RCAN2: variants seen among roughly 807,000 people sequenced by gnomAD.
The protein encoded by RCAN2 is regulator of calcineurin 2.
RCAN2 carries 9 observed loss-of-function variants against 23.6 expected under a neutral mutation model. That is an observed-to-expected ratio of 0.38 (90% CI 0.23 to 0.67). RCAN2 has a LOEUF of 0.67. RCAN2 is among the 30% of genes least tolerant of loss of function. The pLI, the probability that RCAN2 is intolerant of heterozygous loss-of-function variation, is 0.51. For missense variants in RCAN2, 273 were observed against 302.3 expected, an observed-to-expected ratio of 0.90 and a Z score of 0.72; for synonymous variants, 109 against 115.7, an observed-to-expected ratio of 0.94 and a Z score of 0.37.
At chr6:46,477,026 T>A (rs1262307130) in intron 1 of RCAN2, among the ~76,000 whole-genome samples, 1 of 152,170 alleles carries the variant, frequency 6.6e-6, no homozygotes, top group Non-Finnish European at 1.5e-5. Flanking sequence ...TTGGATTGCT[T>A]CCAGGTTCCT....
intron 2 of RCAN2, among the ~76,000 whole-genome samples, chr6:46,364,183 C>T (rs548847125): frequency 6.6e-6 from 1 of 152,218 alleles, no homozygotes; most frequent in East Asian, 1.9e-4. Context: ...AGAGTTGTCC[C>T]ATAAATCTCT....
At chr6:46,375,434 T>C (rs1207032622) in intron 2 of RCAN2, among the ~76,000 whole-genome samples, 1 of 152,200 alleles carries the variant, frequency 6.6e-6, no homozygotes, top group East Asian at 1.9e-4. Context: ...GTATTCCCCA[T>C]GATCACATCT....
At chr6:46,435,172 T>C (rs1245127187) in intron 2 of RCAN2, among the ~76,000 whole-genome samples, 1 of 152,250 alleles carries the variant, frequency 6.6e-6, no homozygotes, top group East Asian at 1.9e-4. Context: ...CCATGTATGC[T>C]ATTGGCTATC....
At chr6:46,379,641 T>C (rs1765569137) in intron 2 of RCAN2, among the ~76,000 whole-genome samples, 1 of 152,178 alleles carries the variant, frequency 6.6e-6, no homozygotes, top group Admixed American at 6.5e-5. Flanking sequence ...TGAACAATCA[T>C]CTCATGATTT....
At chr6:46,276,571 C>T (rs998801143) in intron 2 of RCAN2, among the ~76,000 whole-genome samples, 2 of 152,178 alleles carry the variant, frequency 1.3e-5, no homozygotes, top group African/African-American at 2.4e-5. Flanking sequence ...ATCAAACTGT[C>T]CCTGTTTCAG....
intron 4 of RCAN2, among the ~76,000 whole-genome samples, chr6:46,231,840 G>C (rs890611606): frequency 6.6e-6 from 1 of 152,208 alleles, no homozygotes; most frequent in Admixed American, 6.5e-5. Context: ...CTGCTGTGTA[G>C]AGTAAAGGCT....
chr6:46,450,604 C>T (rs934731370), intron 2 of RCAN2, among the ~76,000 whole-genome samples: 1 of 151,914 alleles, frequency 6.6e-6, no homozygotes, highest in African/African-American at 2.4e-5. Context: ...TACCAGTCAG[C>T]CTTAAACAAG....
At chr6:46,250,585 G>A (rs1766675531) in intron 2 of RCAN2, among the ~76,000 whole-genome samples, 2 of 152,132 alleles carry the variant, frequency 1.3e-5, no homozygotes, top group Admixed American at 6.5e-5. Context: ...CCTGAGATCT[G>A]AAAAGATAAG....
chr6:46,223,328 G>T lies in RCAN2; in HGVS notation c.572-27C>A, dbSNP rs200301470. The stretch of plus-strand genomic sequence containing the variant: ...TGAAAAGCAAGAAAAATGGAAGTGA[G>T]AAAGAGGGGGGGATTTCAAAAGAGA... On this transcript the variant is annotated intron_variant, in intron 4 of 4. Transcript: ENST00000371374. 6.2e-6 allele frequency: 10 copies of T among 1,606,064 alleles called. No homozygotes were observed. The East Asian group carries it at 2.2e-4, about 36-fold the overall frequency.
intron 1 of RCAN2, chr6:46,468,880 A>C (rs1195822659): frequency 1.0e-6 from 1 of 983,306 alleles, no homozygotes; most frequent in African/African-American, 1.7e-5. Flanking sequence ...TAAATCCGGA[A>C]GGCTGAGTGT....
At chr6:46,396,745 T>G (rs1766099906) in intron 2 of RCAN2, among the ~76,000 whole-genome samples, 1 of 152,208 alleles carries the variant, frequency 6.6e-6, no homozygotes, top group Admixed American at 6.5e-5. Context: ...GTTTTTTTGT[T>G]TGTTTTAATG....
At chr6:46,284,337 A>G (rs1762302056) in intron 2 of RCAN2, among the ~76,000 whole-genome samples, 1 of 152,130 alleles carries the variant, frequency 6.6e-6, no homozygotes, top group Non-Finnish European at 1.5e-5. Flanking sequence ...TGGGGGTGTA[A>G]TTGCAAAGCT....
chr6:46,488,359 A>G (rs1232508880), intron 1 of RCAN2, among the ~76,000 whole-genome samples: 2 of 152,230 alleles, frequency 1.3e-5, no homozygotes, highest in Non-Finnish European at 1.5e-5. Flanking sequence ...TAAACCAGGT[A>G]CAGTTCTAAC....
At chr6:46,417,383 A>G (rs936678063) in intron 2 of RCAN2, among the ~76,000 whole-genome samples, 1 of 152,264 alleles carries the variant, frequency 6.6e-6, no homozygotes, top group African/African-American at 2.4e-5. Flanking sequence ...TTTAAGAGCT[A>G]TAATTTGTTT....
At chr6:46,304,111 T>C (rs933560764) in intron 2 of RCAN2, among the ~76,000 whole-genome samples, 4 of 152,144 alleles carry the variant, frequency 2.6e-5, no homozygotes, top group Non-Finnish European at 5.9e-5. Context: ...CCCTTGGCAT[T>C]GACTGTCTTT....
intron 1 of RCAN2, among the ~76,000 whole-genome samples, chr6:46,460,622 A>G (rs755191841): frequency 1.3e-5 from 2 of 152,148 alleles, no homozygotes; most frequent in African/African-American, 4.8e-5. Context: ...TTGTCCTCCA[A>G]TGCAGCTACT....
chr6:46,329,510 A>T (rs1005832214), intron 2 of RCAN2, among the ~76,000 whole-genome samples: 2 of 152,070 alleles, frequency 1.3e-5, no homozygotes, highest in African/African-American at 2.4e-5. Context: ...GACACTTAGG[A>T]GTTACTCTAA....
rs1267607151 is a variant in RCAN2, at chr6:46,427,666, C to T, written c.225+29086G>A. On this transcript the variant is annotated intron_variant, in intron 2 of 4. Coordinates refer to ENST00000371374, the MANE Select transcript of RCAN2 (RefSeq NM_001251974.2). ...GCTTTCTGACATCCTGCTCTCTTAA[C>T]CCGGATTCTGAGTCACATGACCTCG... Among the ~76,000 whole-genome samples, 4 of 152,140 alleles carry T rather than the reference C, an allele frequency of 2.6e-5. 1 individual carries two copies. The highest frequency in any genetic ancestry group is 9.7e-5 in the African/African-American group (4 of 41,432).
At chr6:46,273,696 A>G (rs1044409401) in intron 2 of RCAN2, among the ~76,000 whole-genome samples, 54 of 152,346 alleles carry the variant, frequency 3.5e-4, no homozygotes, top group African/African-American at 1.3e-3. Flanking sequence ...TCTCAGGACC[A>G]TTAGGTATTT....
Sources: allele counts gnomAD v4.1 joint callset (sites outside exome capture counted in the v4.1 genomes callset), GRCh38; gene constraint gnomAD v4.1.1; transcripts MANE v1.5; gene names NCBI Gene and HGNC (gene_info 2026-07-23, HGNC 2026-07-21).